Variants in CHSY3 observed in about 807,000 individuals in gnomAD.
CHSY3 encodes N-acetylgalactosaminyl-proteoglycan 3-beta-glucuronosyltransferase 3.
In CHSY3, 35 loss-of-function variants were observed where a neutral mutation model predicts 67.2. The ratio of observed to expected loss-of-function variants is 0.52; its 90% CI spans 0.40 to 0.69. The LOEUF is 0.69. CHSY3 is among the 30% of genes least tolerant of loss of function. CHSY3 has a pLI of 0.00. For missense variants in CHSY3, 1,069 were observed against 1,138.5 expected (o/e 0.94, Z 0.88); for synonymous variants, 474 against 434.7 (o/e 1.09, Z -1.12).
Position 130,087,322 on chromosome 5 carries a change from C to T in CHSY3, c.1087-96907C>T, listed in dbSNP as rs1222984177. Reference sequence around the variant, plus strand: ...AAAACTGACACAAGACAGGGATGCCCTCTCTCACCACTCCTATTCAACATA... The same window carrying T: ...AAAACTGACACAAGACAGGGATGCCTTCTCTCACCACTCCTATTCAACATA... On this transcript the variant is annotated intron_variant, in intron 2 of 2. Transcript: ENST00000305031. Among the ~76,000 whole-genome samples the T allele has an allele frequency of 1.1e-4, 16 of 152,242 alleles. No homozygotes were observed. In the South Asian group the frequency reaches 2.7e-3, roughly 26 times the overall value.
chr5:130,053,258 T>G (rs553147931), intron 2 of CHSY3, among the ~76,000 whole-genome samples: 8 of 152,128 alleles, frequency 5.3e-5, no homozygotes, highest in African/African-American at 1.9e-4. Flanking sequence ...AGATTTTAAG[T>G]AACAAACAGA....
In CHSY3 at chr5:129,905,483, G is replaced by A; in HGVS notation, c.654G>A (p.Pro218=). ...SQQPPNAGQP[P]PPLPVIALPG... is the part of the protein sequence containing the mutation. The stretch of plus-strand genomic sequence containing the variant: ...AGCCCCCCAACGCCGGCCAGCCCCC[G>A]CCACCCCTGCCTGTCATCGCGCTAC... The change falls in exon 1 of 3, where the codon CCG becomes CCA. Residue 218 remains proline, a synonymous_variant. Coordinates refer to ENST00000305031, the MANE Select transcript of CHSY3 (RefSeq NM_175856.5). 4 of 1,612,794 alleles carry A rather than the reference G, an allele frequency of 2.5e-6. No homozygotes were observed. Among genetic ancestry groups the A allele is most frequent in the Non-Finnish European group, 3.4e-6 (4 of 1,179,984 alleles).
At chr5:130,022,189 C>T (rs1426774747) in intron 2 of CHSY3, among the ~76,000 whole-genome samples, 1 of 151,940 alleles carries the variant, frequency 6.6e-6, no homozygotes, top group African/African-American at 2.4e-5. Context: ...TATCTATTTC[C>T]ACCTATACTA....
intron 2 of CHSY3, among the ~76,000 whole-genome samples, chr5:130,113,501 T>C (rs1168593296): frequency 6.6e-6 from 1 of 152,178 alleles, no homozygotes; most frequent in Non-Finnish European, 1.5e-5. Flanking sequence ...TGTGTTTGTG[T>C]TATAGACGGG....
intron 2 of CHSY3, among the ~76,000 whole-genome samples, chr5:130,033,678 T>C (rs1764768251): frequency 6.6e-6 from 1 of 152,288 alleles, no homozygotes; most frequent in Admixed American, 6.5e-5. Context: ...TGCTGGAGTC[T>C]GGATAGCTGA....
intron 2 of CHSY3, among the ~76,000 whole-genome samples, chr5:129,987,433 A>G (rs757402390): frequency 2.6e-5 from 4 of 152,240 alleles, no homozygotes; most frequent in Non-Finnish European, 4.4e-5. Context: ...CTTAGGACAC[A>G]TTCTGTGTAA....
At chr5:130,086,229 T>G (rs1175512408) in intron 2 of CHSY3, among the ~76,000 whole-genome samples, 2 of 152,078 alleles carry the variant, frequency 1.3e-5, no homozygotes, top group Admixed American at 1.3e-4. Context: ...CTCCCATTAT[T>G]ATTGTGTGGG....
intron 2 of CHSY3, among the ~76,000 whole-genome samples, chr5:130,158,232 T>C (rs1449983684): frequency 6.6e-6 from 1 of 152,176 alleles, no homozygotes; most frequent in Non-Finnish European, 1.5e-5. Context: ...ATCCAGCCCC[T>C]ATTCAAGATG....
At position 130,052,394 on chromosome 5, in the gene CHSY3, A is replaced by T. The variant is rs578256308; in HGVS notation, c.1087-131835A>T. ...ACCTTCTCTCTCTATTAACTATGTA[A>T]CTATTAGCTACATAATTGCCATTGG... On this transcript the variant is annotated intron_variant, in intron 2 of 2. Transcript: ENST00000305031. Among the ~76,000 whole-genome samples the T allele has an allele frequency of 1.8e-4, 27 of 152,276 alleles. No homozygotes were observed. In the South Asian group the frequency reaches 5.6e-3, roughly 32 times the overall value.
At chr5:130,041,599 A>G (rs1561509745) in intron 2 of CHSY3, among the ~76,000 whole-genome samples, 1 of 152,114 alleles carries the variant, frequency 6.6e-6, no homozygotes. Flanking sequence ...GGGTATCCCA[A>G]TTGTGTAAAG....
At chr5:130,044,807 C>G (rs764608938) in intron 2 of CHSY3, among the ~76,000 whole-genome samples, 1 of 152,000 alleles carries the variant, frequency 6.6e-6, no homozygotes, top group Non-Finnish European at 1.5e-5. Context: ...GTCAAGGAAT[C>G]AGATGTCGGC....
intron 2 of CHSY3, among the ~76,000 whole-genome samples, chr5:129,924,694 A>G (rs919526539): frequency 1.3e-5 from 2 of 151,348 alleles, no homozygotes; most frequent in African/African-American, 4.8e-5. Flanking sequence ...TTCTTATGCC[A>G]GTACCTAGAT....
chr5:129,906,159 G>A (rs982026690), intron 1 of CHSY3, among the ~76,000 whole-genome samples: 1 of 152,104 alleles, frequency 6.6e-6, no homozygotes, highest in Admixed American at 6.6e-5. Flanking sequence ...TTGAGGAATC[G>A]TCTTCGCTGT....
chr5:130,180,162 T>TGA (rs1266159255), intron 2 of CHSY3, among the ~76,000 whole-genome samples: 1 of 152,196 alleles, frequency 6.6e-6, no homozygotes, highest in Non-Finnish European at 1.5e-5. Flanking sequence ...GCACTGACAC[T>TGA]GATCTGCTTA....
chr5:130,081,748 T>G (rs924853936), intron 2 of CHSY3, among the ~76,000 whole-genome samples: 1 of 152,052 alleles, frequency 6.6e-6, no homozygotes, highest in Non-Finnish European at 1.5e-5. Context: ...CCTTTGCTCC[T>G]CCTTCACCTT....
chr5:130,158,567 G>A (rs1425628733), intron 2 of CHSY3, among the ~76,000 whole-genome samples: 1 of 152,140 alleles, frequency 6.6e-6, no homozygotes, highest in African/African-American at 2.4e-5. Flanking sequence ...GACAAGATGT[G>A]TTTTAAAGTG....
chr5:129,949,962 G>A (rs1043461048), intron 2 of CHSY3, among the ~76,000 whole-genome samples: 3 of 151,944 alleles, frequency 2.0e-5, no homozygotes, highest in African/African-American at 4.8e-5. Context: ...TCAGGAGATC[G>A]AGACCATCCT....
At chr5:130,059,990 A>C (rs77975137) in intron 2 of CHSY3, among the ~76,000 whole-genome samples, 17 of 148,530 alleles carry the variant, frequency 1.1e-4, no homozygotes, top group African/African-American at 2.7e-4. Flanking sequence ...GAAGATGTAC[A>C]AAAAAAAAAC....
At chr5:129,973,773 AT>A (rs1345842552) in intron 2 of CHSY3, among the ~76,000 whole-genome samples, 2 of 152,146 alleles carry the variant, frequency 1.3e-5, no homozygotes, top group Admixed American at 6.6e-5. Context: ...AAAAAAGTTT[AT>A]CATTTTGGAG....
Sources: gnomAD v4.1 joint callset for allele counts (sites outside exome capture counted in the v4.1 genomes callset) on GRCh38, gnomAD v4.1.1 for gene constraint, MANE v1.5 for transcripts, NCBI Gene and HGNC (gene_info 2026-07-23, HGNC 2026-07-21) for gene names.